RIC1: variants seen among roughly 807,000 people sequenced by gnomAD.
RIC1 encodes RIC1 partner of RAB6A GEF complex, also known as guanine nucleotide exchange factor subunit RIC1.
Under a neutral mutation model 169.0 loss-of-function variants are expected in RIC1, and 88 were observed. That is an observed-to-expected ratio of 0.52 (90% CI 0.44 to 0.62). The LOEUF is 0.62. RIC1 is among the 20% of genes least tolerant of loss of function. The pLI is 0.00. For missense variants in RIC1, 1,877 were observed against 1,725.5 expected, an observed-to-expected ratio of 1.09 and a Z score of -1.56; for synonymous variants, 790 against 601.5, an observed-to-expected ratio of 1.31 and a Z score of -4.59.
intron 3 of RIC1, among the ~76,000 whole-genome samples, chr9:5,693,200 T>C (rs538533204): frequency 6.6e-6 from 1 of 152,270 alleles, no homozygotes; most frequent in Admixed American, 6.5e-5. Flanking sequence ...TCTCACTTAG[T>C]TATAGAAATA....
Position 5,763,620 on chromosome 9 carries a change from C to T in RIC1, c.2593C>T (p.Leu865Phe). Residue 865 changes from leucine (L) to phenylalanine (F), a missense_variant, in exon 19 of 26, where the codon CTC becomes TTC. Coordinates refer to ENST00000414202, the MANE Select transcript of RIC1 (RefSeq NM_020829.4). The surrounding 1 kb of genome is among the most constrained non-coding windows in gnomAD (Gnocchi z 5.2). Reference protein sequence around the residue: ...PYFPHVLELMLHEVLEEEATS... With the variant: ...PYFPHVLELMFHEVLEEEATS... ...CTTCCCTCATGTGCTGGAGCTCATG[C>T]TCCATGAAGTACTGGAAGAAGAAGC... 6.2e-7 allele frequency: 1 copy of T among 1,614,178 alleles called. No individual in the cohort carries two copies. The highest frequency in any genetic ancestry group is 8.5e-7 in the Non-Finnish European group (1 of 1,180,028).
In RIC1 at chr9:5,717,761, C is replaced by CT. The variant is rs1563923041; in HGVS notation, c.441-2421_441-2420insT. Among the ~76,000 whole-genome samples, 761 of 151,392 alleles carry CT rather than the reference C, an allele frequency of 5.0e-3. 7 individuals are homozygous for CT. Among genetic ancestry groups the CT allele is most frequent in the African/African-American group, 0.018 (723 of 41,210 alleles). ...TCAGGAGGCTGAGGCAGGAGAATCCCGGGAGGCGGAGGTTTCAGTGAGCTG... is the reference window on the plus strand; with the variant it reads ...TCAGGAGGCTGAGGCAGGAGAATCCCTGGGAGGCGGAGGTTTCAGTGAGCTG... On this transcript the variant is annotated intron_variant, in intron 4 of 25. Transcript: ENST00000414202.
chr9:5,715,222 T>C (rs560146872), intron 4 of RIC1, among the ~76,000 whole-genome samples: 1 of 152,320 alleles, frequency 6.6e-6, no homozygotes, highest in South Asian at 2.1e-4. Context: ...AGTAACTTGA[T>C]ACATAAGGAA....
intron 8 of RIC1, among the ~76,000 whole-genome samples, chr9:5,741,597 T>C (rs978767546): frequency 7.9e-5 from 12 of 152,172 alleles, no homozygotes; most frequent in Admixed American, 7.2e-4. Flanking sequence ...GTCCATCAAG[T>C]TCTTAATTTC....
intron 3 of RIC1, among the ~76,000 whole-genome samples, chr9:5,690,510 T>C (rs893206091): frequency 1.1e-4 from 16 of 151,908 alleles, no homozygotes; most frequent in Non-Finnish European, 1.8e-4. Context: ...TTCTTTTCCT[T>C]ATAGCAGGCC....
chr9:5,748,331 G>C (rs773820997), intron 12 of RIC1, among the ~76,000 whole-genome samples: 1 of 152,048 alleles, frequency 6.6e-6, no homozygotes, highest in Non-Finnish European at 1.5e-5. Flanking sequence ...GCCTACTTCA[G>C]CTCCCATGTT....
intron 6 of RIC1, among the ~76,000 whole-genome samples, chr9:5,728,039 C>T (rs989591273): frequency 9.9e-5 from 15 of 152,170 alleles, no homozygotes; most frequent in Admixed American, 1.3e-4. Context: ...CCTCAGACTC[C>T]GTGCTGGGCA....
chr9:5,657,467 A>T (rs1819170047), intron 2 of RIC1, among the ~76,000 whole-genome samples: 1 of 152,140 alleles, frequency 6.6e-6, no homozygotes, highest in Non-Finnish European at 1.5e-5. Context: ...ATCTTTAGAT[A>T]AGTGCTTTGA....
chr9:5,716,092 C>A (rs1489505921), intron 4 of RIC1, among the ~76,000 whole-genome samples: 1 of 152,090 alleles, frequency 6.6e-6, no homozygotes, highest in African/African-American at 2.4e-5. Flanking sequence ...GATCTCCCCT[C>A]CTTGGCCTCT....
chr9:5,671,755 A>C (rs943540985), intron 2 of RIC1, among the ~76,000 whole-genome samples: 5 of 152,336 alleles, frequency 3.3e-5, no homozygotes, highest in African/African-American at 1.2e-4. Context: ...GAGTATAAAC[A>C]TGAGCCTAAA....
At chr9:5,679,796 T>G (rs992733264) in intron 2 of RIC1, among the ~76,000 whole-genome samples, 6 of 152,180 alleles carry the variant, frequency 3.9e-5, no homozygotes, top group Non-Finnish European at 7.3e-5. Context: ...ACAGGGACAA[T>G]TTGACTTCCT....
intron 2 of RIC1, among the ~76,000 whole-genome samples, chr9:5,687,290 T>A (rs1410610948): frequency 6.6e-6 from 1 of 152,148 alleles, no homozygotes; most frequent in Non-Finnish European, 1.5e-5. Flanking sequence ...CCCCAGATTT[T>A]TATTCATTGA....
chr9:5,637,223 C>T (rs1028492142), intron 1 of RIC1, among the ~76,000 whole-genome samples: 1 of 151,300 alleles, frequency 6.6e-6, no homozygotes, highest in Non-Finnish European at 1.5e-5. Flanking sequence ...CTGCACTTGG[C>T]TAATTTTTTT....
At chr9:5,645,777 C>T (rs779192588) in intron 1 of RIC1, among the ~76,000 whole-genome samples, 19 of 152,162 alleles carry the variant, frequency 1.2e-4, no homozygotes, top group Non-Finnish European at 2.4e-4. Flanking sequence ...GTACATACTG[C>T]ATTTTGTTTT....
At chr9:5,688,613 T>G (rs143130493) in intron 2 of RIC1, among the ~76,000 whole-genome samples, 63 of 152,324 alleles carry the variant, frequency 4.1e-4, no homozygotes, top group Non-Finnish European at 6.3e-4. Flanking sequence ...TGTTTTTGTA[T>G]CTTACAGTGT....
At chr9:5,748,306 AT>A (rs1210482528) in intron 12 of RIC1, among the ~76,000 whole-genome samples, 2 of 152,190 alleles carry the variant, frequency 1.3e-5, no homozygotes, top group Non-Finnish European at 2.9e-5. Context: ...GACTCTCTAT[AT>A]GTTTACCCTA....
chr9:5,677,097 T>C (rs1039593377), intron 2 of RIC1, among the ~76,000 whole-genome samples: 2 of 152,232 alleles, frequency 1.3e-5, no homozygotes, highest in Non-Finnish European at 2.9e-5. Context: ...TTAAAGGAAA[T>C]GTGAAACTTT....
intron 6 of RIC1, among the ~76,000 whole-genome samples, chr9:5,721,435 C>G (rs551628907): frequency 5.9e-5 from 9 of 152,314 alleles, no homozygotes; most frequent in African/African-American, 1.9e-4. Flanking sequence ...TTACCAAACC[C>G]CAGCACACAC....
chr9:5,769,324 C>G, intron 22 of RIC1, 68 bp downstream of exon 22: 2 of 1,613,784 alleles, frequency 1.2e-6, no homozygotes, highest in Non-Finnish European at 1.7e-6. Context: ...ACACATTTTG[C>G]TATTAGTTGA....
Sources: allele counts gnomAD v4.1 joint callset (sites outside exome capture counted in the v4.1 genomes callset), GRCh38; gene constraint gnomAD v4.1.1; non-coding constraint Gnocchi (gnomAD v3.1); transcripts MANE v1.5; gene names NCBI Gene and HGNC (gene_info 2026-07-23, HGNC 2026-07-21).